The following GRM4 variants were observed in gnomAD, a reference collection of about 807,000 sequenced individuals.
GRM4 encodes the protein metabotropic glutamate receptor 4.
In GRM4, 28 loss-of-function variants were observed where a neutral mutation model predicts 81.7. That is an observed-to-expected ratio of 0.34 (90% confidence interval 0.25 to 0.47). The LOEUF is 0.47. Among genes scored for constraint, GRM4 ranks in the 20% least tolerant of loss-of-function variants. The pLI, the probability that GRM4 is intolerant of heterozygous loss-of-function variation, is 1.00. For missense variants in GRM4, 948 were observed against 1,290.0 expected (o/e 0.73, Z 4.06); for synonymous variants, 488 against 528.8 (o/e 0.92, Z 1.06).
At chr6:34,050,948 AT>A (rs1343475167) in intron 6 of GRM4, among the ~76,000 whole-genome samples, 1 of 152,200 alleles carries the variant, frequency 6.6e-6, no homozygotes, top group Non-Finnish European at 1.5e-5. Context: ...TTCTCAGTTG[AT>A]GAGTGGGAAG....
intron 2 of GRM4, among the ~76,000 whole-genome samples, chr6:34,109,396 C>T (rs1769274209): frequency 6.9e-6 from 1 of 145,468 alleles, no homozygotes; most frequent in South Asian, 2.4e-4. Flanking sequence ...CAAAGCTCTG[C>T]CACCACCAAC....
chr6:34,065,456 A>C (rs1364860654), intron 3 of GRM4, among the ~76,000 whole-genome samples: 1 of 151,952 alleles, frequency 6.6e-6, no homozygotes, highest in East Asian at 1.9e-4. Context: ...GAACAAGCCC[A>C]CTCCGTATCT....
chr6:34,052,229 A>G (rs1225099867), intron 6 of GRM4, among the ~76,000 whole-genome samples: 1 of 152,216 alleles, frequency 6.6e-6, no homozygotes, highest in Non-Finnish European at 1.5e-5. Context: ...GTGATGACTG[A>G]GAGGTCTGTT....
intron 1 of GRM4, among the ~76,000 whole-genome samples, chr6:34,143,533 G>T (rs901842992): frequency 5.3e-5 from 8 of 152,190 alleles, no homozygotes; most frequent in Non-Finnish European, 1.2e-4. Context: ...CTCCGAAAGG[G>T]CTCCTGCTAG....
chr6:34,148,301 C>T (rs565598960), upstream of GRM4, among the ~76,000 whole-genome samples: 15 of 152,256 alleles, frequency 9.9e-5, no homozygotes, highest in South Asian at 3.1e-3. Context: ...GCACGCTCTT[C>T]TCACTCTTGT....
In GRM4 at chr6:34,070,883, TCA is replaced by T. The variant is rs369938398; in HGVS notation, c.737-8857_737-8856del. Among the ~76,000 whole-genome samples the T allele has an allele frequency of 0.053, 7,772 of 146,556 alleles. 435 individuals are homozygous for T. The highest frequency in any genetic ancestry group is 0.15 in the African/African-American group (5,850 of 39,376). The stretch of plus-strand genomic sequence containing the variant: ...ACCACAAGCTCACAAAGTTTCACGG[TCA>T]CACACGCTCACCAGGGACACAGCTC... On this transcript the variant is annotated intron_variant, in intron 3 of 10. Transcript: ENST00000538487. This position sits in a 1 kb window ranked among gnomAD's most constrained non-coding sequence, Gnocchi z 4.6.
chr6:34,059,368 C>T lies in GRM4; in HGVS notation c.873-240G>A, dbSNP rs1766069538. ...CCTGCCCCTGGGCCCACGCCTGCTG[C>T]AGGCCCAGCGTGATTCTCCAGGCCT... is the stretch of plus-strand genomic sequence containing the variant. On this transcript the variant is annotated intron_variant, in intron 4 of 10. Transcript: ENST00000538487. This position sits in a 1 kb window ranked among gnomAD's most constrained non-coding sequence, Gnocchi z 5.7. 1.8e-6 allele frequency: 1 copy of T among 557,230 alleles called. No homozygotes were observed. The highest frequency in any genetic ancestry group is 3.0e-5 in the East Asian group (1 of 33,022). 34.5% of individuals were successfully genotyped at this position (557,230 alleles called of 1,614,324 possible).
At chr6:34,028,621 G>A (rs1764259503) in intron 9 of GRM4, among the ~76,000 whole-genome samples, 1 of 152,206 alleles carries the variant, frequency 6.6e-6, no homozygotes, top group African/African-American at 2.4e-5. Context: ...GATAATGATA[G>A]TACTTACCTC....
rs896526514 is a variant in GRM4 at position 34,123,829 on chromosome 6, C to T, written c.519+9149G>A. The stretch of plus-strand genomic sequence containing the variant: ...GGTCCATGCGGCAGCCACCACATTA[C>T]TGCCCCTCGGGGATCCCCATCTGGC... On this transcript the variant is annotated intron_variant, in intron 2 of 10. Transcript: ENST00000538487. Among the ~76,000 whole-genome samples the T allele has an allele frequency of 3.9e-5, 6 of 152,336 alleles. No homozygotes were observed. In the East Asian group the frequency reaches 1.2e-3, roughly 29 times the overall value.
At position 34,022,316 on chromosome 6, in the gene GRM4, G is replaced by A. The variant is rs1338898253; in HGVS notation, c.*505C>T. ...GACACTGGTGGGACCCAAGAAAGCAGGAGGAGCTGAGGACAAAGAGGATGA... is the reference window on the plus strand; with the variant it reads ...GACACTGGTGGGACCCAAGAAAGCAAGAGGAGCTGAGGACAAAGAGGATGA... On this transcript the variant is annotated 3_prime_UTR_variant, in exon 11 of 11. Transcript: ENST00000538487. The surrounding 1 kb of genome is among the most constrained non-coding windows in gnomAD (Gnocchi z 5.6). The A allele has an allele frequency of 6.1e-6, 1 of 162,738 alleles. No individual in the cohort carries two copies. The highest frequency in any genetic ancestry group is 2.4e-5 in the African/African-American group (1 of 41,632). 10.1% of individuals were successfully genotyped at this position (162,738 alleles called of 1,614,324 possible). A position where few individuals can be genotyped will look rare whatever the true frequency, so the allele number is the denominator to read the frequency against.
chr6:34,137,908 T>C (rs1581735281), intron 1 of GRM4, among the ~76,000 whole-genome samples: 2 of 152,068 alleles, frequency 1.3e-5, no homozygotes, highest in East Asian at 3.9e-4. Context: ...CTTCTTAGTA[T>C]AATATTAACA....
intron 10 of GRM4, among the ~76,000 whole-genome samples, chr6:34,025,872 G>A (rs1307591884): frequency 1.3e-5 from 2 of 152,188 alleles, no homozygotes; most frequent in Non-Finnish European, 2.9e-5. Context: ...TTTAAATCCT[G>A]CAAAATGCTG....
intron 10 of GRM4, chr6:34,024,672 C>T (rs189653951): frequency 2.2e-6 from 1 of 455,952 alleles, no homozygotes; most frequent in Admixed American, 2.3e-5. Flanking sequence ...GAAGAATTTT[C>T]TCCTGGCCAG....
chr6:34,070,636 T>C lies in GRM4; in HGVS notation c.737-8608A>G, dbSNP rs1317291696. 6.6e-6 allele frequency among the ~76,000 whole-genome samples: 1 copy of C among 151,722 alleles called. No homozygotes were observed. The highest frequency in any genetic ancestry group is 1.5e-5 in the Non-Finnish European group (1 of 67,904). ...GGCAGGAGCTCGGAGGACAGGGGCC[T>C]CATCACTTAGCCAGGCCAGGACCCA... is the stretch of plus-strand genomic sequence containing the variant. On this transcript the variant is annotated intron_variant, in intron 3 of 10. Coordinates refer to ENST00000538487, the MANE Select transcript of GRM4 (RefSeq NM_000841.4). This position sits in a 1 kb window ranked among gnomAD's most constrained non-coding sequence, Gnocchi z 4.6.
At chr6:34,148,273 C>T (rs1449663361), upstream of GRM4, among the ~76,000 whole-genome samples, 2 of 152,044 alleles carry the variant, frequency 1.3e-5, no homozygotes, top group Non-Finnish European at 2.9e-5. Context: ...ACCTGTGGGC[C>T]CCCCTTGCCC....
At position 34,061,885 on chromosome 6, in the gene GRM4, G is replaced by C; in HGVS notation, c.872+8C>G. 6.2e-7 allele frequency: 1 copy of C among 1,607,426 alleles called. No individual in the cohort carries two copies. Among genetic ancestry groups the C allele is most frequent in the Non-Finnish European group, 8.5e-7 (1 of 1,175,366 alleles). ...CCCGGTGCCCACCCTGCTGCCACCTGCCCTCACCTGATGTCATCCTCGTTG... is the reference window on the plus strand; with the variant it reads ...CCCGGTGCCCACCCTGCTGCCACCTCCCCTCACCTGATGTCATCCTCGTTG... On this transcript the variant is annotated splice_region_variant and intron_variant, in intron 4 of 10. Coordinates refer to ENST00000538487, the MANE Select transcript of GRM4 (RefSeq NM_000841.4).
intron 2 of GRM4, among the ~76,000 whole-genome samples, chr6:34,113,476 G>A (rs1298430051): frequency 6.6e-6 from 1 of 152,238 alleles, no homozygotes. Context: ...CAGGTAGGGA[G>A]ATATTTGTTG....
intron 1 of GRM4, among the ~76,000 whole-genome samples, chr6:34,140,873 T>C (rs1770658475): frequency 6.6e-6 from 1 of 152,240 alleles, no homozygotes; most frequent in South Asian, 2.1e-4. Context: ...GGCCACTGGC[T>C]TAGCCCAATC....
At chr6:34,062,111 T>TG (rs1453385828) in intron 3 of GRM4, 83 bp from the exon 4 acceptor site, 4 of 1,448,028 alleles carry the variant, frequency 2.8e-6, no homozygotes, top group Non-Finnish European at 3.8e-6. Flanking sequence ...CTCCGGGAGA[T>TG]GGGGGCTGGG....
Sources: allele counts gnomAD v4.1 joint callset (sites outside exome capture counted in the v4.1 genomes callset), GRCh38; gene constraint gnomAD v4.1.1; non-coding constraint Gnocchi (gnomAD v3.1); transcripts MANE v1.5; gene names NCBI Gene and HGNC (gene_info 2026-07-23, HGNC 2026-07-21).